Variants in RAB5C observed in about 807,000 individuals in gnomAD.
The protein encoded by RAB5C is RAB5C, member RAS oncogene family.
In RAB5C, 4 loss-of-function variants were observed where a neutral mutation model predicts 25.2. The observed-to-expected ratio is 0.16, with a 90% CI of 0.08 to 0.36. The LOEUF is 0.36. Among genes scored for constraint, RAB5C ranks in the 10% least tolerant of loss-of-function variants. The pLI is 1.00. For missense variants in RAB5C, 199 were observed against 283.8 expected (o/e 0.70, Z 2.15); for synonymous variants, 100 against 106.4 (o/e 0.94, Z 0.37).
rs782615116 is a variant in RAB5C at position 42,125,777 on chromosome 17, G to C, written c.*6C>G. 2.5e-6 allele frequency: 4 copies of C among 1,592,358 alleles called. No homozygotes were observed. Among genetic ancestry groups the C allele is most frequent in the East Asian group, 2.3e-5 (1 of 44,228 alleles). On this transcript the variant is annotated 3_prime_UTR_variant, in exon 6 of 6. Coordinates refer to ENST00000346213, the MANE Select transcript of RAB5C (RefSeq NM_004583.4). ...GAGGCGGGGGCAGCGGGCAGGCAAG[G>C]GGGGCTCAGTTGCTGCAGCACTGGC...
At chr17:42,151,119 C>T (rs1568026482) in intron 1 of RAB5C, among the ~76,000 whole-genome samples, 1 of 152,140 alleles carries the variant, frequency 6.6e-6, no homozygotes, top group Non-Finnish European at 1.5e-5. Context: ...GACCACACTG[C>T]CTGTTTACTG....
At chr17:42,140,790 T>C (rs550301544) in intron 1 of RAB5C, among the ~76,000 whole-genome samples, 92 of 151,942 alleles carry the variant, frequency 6.1e-4, no homozygotes, top group African/African-American at 2.2e-3. Flanking sequence ...CCTCCCAAAG[T>C]GTTGGGATTA....
chr17:42,129,032 CAGG>C (rs764803697), intron 2 of RAB5C, among the ~76,000 whole-genome samples: 14 of 152,032 alleles, frequency 9.2e-5, no homozygotes, highest in Non-Finnish European at 1.3e-4. Context: ...CAGGCAACGG[CAGG>C]AGAAGGGACT....
chr17:42,129,538 C>A (rs1392344565), intron 2 of RAB5C, among the ~76,000 whole-genome samples: 1 of 152,232 alleles, frequency 6.6e-6, no homozygotes, highest in African/African-American at 2.4e-5. Flanking sequence ...CCCTTTGCCC[C>A]TGGACCCAGC....
chr17:42,144,925 C>CAAAAAAA (rs544870361), intron 1 of RAB5C, among the ~76,000 whole-genome samples: 4 of 31,100 alleles, frequency 1.3e-4, no homozygotes, highest in Non-Finnish European at 2.6e-4. Context: ...GACTCCGTCT[C>CAAAAAAA]AAAAAAAAAA....
At chr17:42,130,849 A>G (rs1381136555) in intron 1 of RAB5C, among the ~76,000 whole-genome samples, 1 of 152,018 alleles carries the variant, frequency 6.6e-6, no homozygotes, top group Non-Finnish European at 1.5e-5. Context: ...GAGCAAACAC[A>G]TTGACTTCTG....
intron 4 of RAB5C, among the ~76,000 whole-genome samples, chr17:42,127,196 C>T (rs190340893): frequency 6.6e-6 from 1 of 152,204 alleles, no homozygotes; most frequent in Non-Finnish European, 1.5e-5. Context: ...ATGTCTACTG[C>T]AGCACTGTTT....
chr17:42,131,074 G>A (rs910266351), intron 1 of RAB5C, among the ~76,000 whole-genome samples: 1 of 152,178 alleles, frequency 6.6e-6, no homozygotes, highest in African/African-American at 2.4e-5. Flanking sequence ...AGGGGCCCAA[G>A]AGGTCCTGGT....
At chr17:42,147,716 G>A (rs780783144) in intron 1 of RAB5C, among the ~76,000 whole-genome samples, 1 of 152,230 alleles carries the variant, frequency 6.6e-6, no homozygotes, top group African/African-American at 2.4e-5. Flanking sequence ...TATGGCTCAA[G>A]CTGTGGGATC....
chr17:42,142,191 A>C (rs2079607515), intron 1 of RAB5C, among the ~76,000 whole-genome samples: 2 of 150,710 alleles, frequency 1.3e-5, no homozygotes, highest in African/African-American at 4.9e-5. Flanking sequence ...CCCCATTAAC[A>C]CAAAGCATCT....
chr17:42,153,684 G>A (rs567837080), intron 1 of RAB5C, among the ~76,000 whole-genome samples: 1 of 152,208 alleles, frequency 6.6e-6, no homozygotes, highest in Non-Finnish European at 1.5e-5. Context: ...GCTACTCCTC[G>A]TTAAGGTACA....
intron 1 of RAB5C, among the ~76,000 whole-genome samples, chr17:42,144,575 A>T (rs1017910719): frequency 8.5e-5 from 13 of 152,158 alleles, no homozygotes; most frequent in Non-Finnish European, 1.6e-4. Flanking sequence ...GCACCTTGGG[A>T]GGCCGAAACG....
At chr17:42,131,502 C>CA in intron 1 of RAB5C, 1 of 1,201,220 alleles carries the variant, frequency 8.3e-7, no homozygotes. Context: ...AAACAGACAC[C>CA]AAAACAAAAC....
At chr17:42,132,379 AT>A (rs2054494759) in intron 1 of RAB5C, among the ~76,000 whole-genome samples, 1 of 152,182 alleles carries the variant, frequency 6.6e-6, no homozygotes, top group Non-Finnish European at 1.5e-5. Context: ...CCATGTAAAT[AT>A]TTCAAAGTTA....
chr17:42,147,440 C>G (rs2079644581), intron 1 of RAB5C, among the ~76,000 whole-genome samples: 1 of 152,228 alleles, frequency 6.6e-6, no homozygotes, highest in Admixed American at 6.5e-5. Flanking sequence ...GCTGCCTCAC[C>G]ACACACAACT....
chr17:42,128,412 G>T, intron 3 of RAB5C, 29 bp from the exon 4 acceptor site: 1 of 1,600,478 alleles, frequency 6.2e-7, no homozygotes, highest in Non-Finnish European at 8.5e-7. Context: ...AATGTCGAAG[G>T]GACAGAGAAG....
At chr17:42,147,853 T>C (rs1339134178) in intron 1 of RAB5C, among the ~76,000 whole-genome samples, 2 of 151,878 alleles carry the variant, frequency 1.3e-5, no homozygotes, top group African/African-American at 4.8e-5. Context: ...TCCCAGCACT[T>C]TGGGAGGCCG....
intron 2 of RAB5C, 95 bp from the exon 3 acceptor site, chr17:42,128,895 C>T: frequency 1.7e-6 from 2 of 1,156,974 alleles, no homozygotes; most frequent in Non-Finnish European, 2.3e-6. Flanking sequence ...CTCAGAAGCC[C>T]ACCACTGAGA....
At chr17:42,126,730 G>C (rs200408190) in intron 5 of RAB5C, 25 bp downstream of exon 5, 2 of 1,535,714 alleles carry the variant, frequency 1.3e-6, no homozygotes, top group Non-Finnish European at 1.8e-6. Context: ...GTGGTGGAGA[G>C]AGGAGGGGAG....
Sources: gnomAD v4.1 joint callset for allele counts (sites outside exome capture counted in the v4.1 genomes callset) on GRCh38, gnomAD v4.1.1 for gene constraint, MANE v1.5 for transcripts, NCBI Gene and HGNC (gene_info 2026-07-23, HGNC 2026-07-21) for gene names.